The following PREX1 variants were observed in gnomAD, a reference collection of about 807,000 sequenced individuals.
PREX1 encodes phosphatidylinositol 3,4,5-trisphosphate-dependent Rac exchanger 1 protein.
A neutral mutation model predicts 198.3 loss-of-function variants in PREX1; 41 were observed. That is an observed-to-expected ratio of 0.21 (90% CI 0.16 to 0.27). The LOEUF (loss-of-function observed/expected upper bound fraction) is 0.27, where lower values mean the gene tolerates loss of function less well. Ranked by LOEUF, PREX1 falls within the 10% of genes least tolerant of loss-of-function variation. PREX1 has a pLI of 1.00. For synonymous variants in PREX1, 843 were observed against 887.2 expected, an observed-to-expected ratio of 0.95 and a Z score of 0.89; for missense variants, 1,620 against 2,200.7, an observed-to-expected ratio of 0.74 and a Z score of 5.28.
At chr20:48,734,457 C>G in intron 4 of PREX1, 89 bp downstream of exon 4, 1 of 1,128,068 alleles carries the variant, frequency 8.9e-7, no homozygotes, top group South Asian at 1.3e-5. Flanking sequence ...GATTTGGCAC[C>G]ATGGGGCAGC....
chr20:48,829,861 C>T (rs1438664296), upstream of PREX1, among the ~76,000 whole-genome samples: 1 of 152,186 alleles, frequency 6.6e-6, no homozygotes, highest in African/African-American at 2.4e-5. Flanking sequence ...CGTTATTTCT[C>T]TGGGCCTCAG....
chr20:48,887,079 G>A, the PREX1 span, among the ~76,000 whole-genome samples: 1 of 152,236 alleles, frequency 6.6e-6, no homozygotes, highest in Admixed American at 6.5e-5. Flanking sequence ...GAAGCCTAGA[G>A]AAGGTAGGTG....
rs145322723 is a variant in PREX1 at position 48,646,913 on chromosome 20, T to C, written c.3306-856A>G. On this transcript the variant is annotated intron_variant, in intron 25 of 39. Coordinates refer to ENST00000371941, the MANE Select transcript of PREX1 (RefSeq NM_020820.4). ...TAAAATGGGATCATATCAGTATCTA[T>C]ATCTTAGGCTTCTGTGACAATTAAG... 1.1e-4 allele frequency among the ~76,000 whole-genome samples: 17 copies of C among 152,328 alleles called. No homozygotes were observed. In the South Asian group the frequency reaches 3.3e-3, roughly 30 times the overall value.
chr20:48,709,202 A>G (rs1601090163), intron 5 of PREX1, among the ~76,000 whole-genome samples: 1 of 152,264 alleles, frequency 6.6e-6, no homozygotes, highest in South Asian at 2.1e-4. Flanking sequence ...AAATTACCCA[A>G]ATCACCCAAC....
the PREX1 span, among the ~76,000 whole-genome samples, chr20:48,869,534 GC>G: frequency 1.3e-5 from 2 of 152,048 alleles, no homozygotes; most frequent in African/African-American, 4.8e-5. Context: ...TTTAAACAAT[GC>G]TGCATAGGTA....
intron 1 of PREX1, among the ~76,000 whole-genome samples, chr20:48,751,082 A>G (rs976192399): frequency 6.6e-6 from 1 of 152,230 alleles, no homozygotes; most frequent in African/African-American, 2.4e-5. Flanking sequence ...CTCAGCAAAT[A>G]GCAGGTGCTT....
chr20:48,734,756 G>A, intron 3 of PREX1, 106 bp from the exon 4 acceptor site: 1 of 875,130 alleles, frequency 1.1e-6, no homozygotes, highest in South Asian at 1.5e-5. Flanking sequence ...GGACTACCCT[G>A]ACCCAGGAGA....
chr20:48,799,863 C>A (rs1193625397), intron 1 of PREX1, among the ~76,000 whole-genome samples: 1 of 152,170 alleles, frequency 6.6e-6, no homozygotes, highest in Admixed American at 6.5e-5. Flanking sequence ...GTACCTCTCC[C>A]TGGCTGGGCA....
At chr20:48,657,289 C>T in intron 17 of PREX1, 101 bp from the exon 18 acceptor site, 1 of 1,397,472 alleles carries the variant, frequency 7.2e-7, no homozygotes, top group South Asian at 1.3e-5. Context: ...GGTGCTGGCC[C>T]AAGGGATCCA....
At chr20:48,840,876 G>A in the PREX1 span, among the ~76,000 whole-genome samples, 1 of 152,020 alleles carries the variant, frequency 6.6e-6, no homozygotes, top group Non-Finnish European at 1.5e-5. Flanking sequence ...AGGCTGGAGT[G>A]CAGTGGCATG....
chr20:48,640,306 G>A (rs1465655106), intron 29 of PREX1, among the ~76,000 whole-genome samples: 2 of 152,226 alleles, frequency 1.3e-5, no homozygotes, highest in Non-Finnish European at 2.9e-5. Flanking sequence ...ACACAGAGGA[G>A]GAAGCCCACA....
intron 25 of PREX1, among the ~76,000 whole-genome samples, chr20:48,647,928 C>G (rs892061054): frequency 4.6e-5 from 7 of 152,264 alleles, no homozygotes; most frequent in Admixed American, 4.6e-4. Flanking sequence ...TGTTTTGAGA[C>G]AGGGTCTCGT....
At chr20:48,759,565 A>AG (rs1742504207) in intron 1 of PREX1, among the ~76,000 whole-genome samples, 2 of 146,646 alleles carry the variant, frequency 1.4e-5, no homozygotes, top group Admixed American at 6.9e-5. Flanking sequence ...AAAAAAAAAA[A>AG]AAAGAAAAGA....
intron 23 of PREX1, among the ~76,000 whole-genome samples, chr20:48,650,681 C>A (rs553730612): frequency 6.6e-6 from 1 of 152,218 alleles, no homozygotes; most frequent in African/African-American, 2.4e-5. Context: ...GTGAACCCAG[C>A]GCTAAGGAAA....
At chr20:48,633,394 C>T (rs1348862235) in intron 33 of PREX1, among the ~76,000 whole-genome samples, 1 of 152,022 alleles carries the variant, frequency 6.6e-6, no homozygotes, top group Non-Finnish European at 1.5e-5. Context: ...AGGGTATACC[C>T]GTAGTAGTAT....
chr20:48,767,814 T>A (rs536788133), intron 1 of PREX1, among the ~76,000 whole-genome samples: 4 of 152,086 alleles, frequency 2.6e-5, no homozygotes, highest in Non-Finnish European at 4.4e-5. Context: ...CTGCACAGGA[T>A]GCTCAAATAT....
At chr20:48,632,139 G>A in intron 35 of PREX1, 138 bp downstream of exon 35, 1 of 792,978 alleles carries the variant, frequency 1.3e-6, no homozygotes, top group Non-Finnish European at 2.1e-6. Context: ...CAAGAGTGCT[G>A]TCACACAGAA....
At chr20:48,718,874 G>A (rs896812770) in intron 5 of PREX1, among the ~76,000 whole-genome samples, 1 of 152,166 alleles carries the variant, frequency 6.6e-6, no homozygotes, top group Non-Finnish European at 1.5e-5. Context: ...GAAAACTGAG[G>A]CACACAGAGT....
At chr20:48,806,615 T>C (rs2090412814) in intron 1 of PREX1, among the ~76,000 whole-genome samples, 1 of 152,164 alleles carries the variant, frequency 6.6e-6, no homozygotes, top group Non-Finnish European at 1.5e-5. Flanking sequence ...AAACTAAGGT[T>C]CAAACATGTT....
Sources: allele counts gnomAD v4.1 joint callset (sites outside exome capture counted in the v4.1 genomes callset), GRCh38; gene constraint gnomAD v4.1.1; transcripts MANE v1.5; gene names NCBI Gene and HGNC (gene_info 2026-07-23, HGNC 2026-07-21).